Variants in OR10K2 observed in about 807,000 individuals in gnomAD.
OR10K2 encodes olfactory receptor 10K2.
For missense variants in OR10K2, 401 were observed against 367.1 expected (o/e 1.09, Z -0.76); for synonymous variants, 169 against 146.4 (o/e 1.15, Z -1.11).
intron 1 of OR10K2, among the ~76,000 whole-genome samples, chr1:158,423,941 G>T (rs952481450): frequency 6.6e-6 from 1 of 151,976 alleles, no homozygotes; most frequent in Non-Finnish European, 1.5e-5. Flanking sequence ...AAGCACTATA[G>T]ATATAATTAT....
intron 1 of OR10K2, among the ~76,000 whole-genome samples, chr1:158,425,125 G>C (rs1369302389): frequency 1.3e-5 from 2 of 151,974 alleles, no homozygotes; most frequent in African/African-American, 2.4e-5. Context: ...TTTTGGGAGG[G>C]ATTTAATAAA....
chr1:158,421,533 T>C (rs1557861272), intron 1 of OR10K2, among the ~76,000 whole-genome samples: 1 of 152,152 alleles, frequency 6.6e-6, no homozygotes, highest in Non-Finnish European at 1.5e-5. Context: ...AGGTGGAATA[T>C]GTCTACACTT....
chr1:158,423,184 CCCT>C (rs1179210431), intron 1 of OR10K2, among the ~76,000 whole-genome samples: 8 of 151,436 alleles, frequency 5.3e-5, no homozygotes, highest in Non-Finnish European at 1.2e-4. Context: ...GGGGCAATCA[CCCT>C]CCTCCTCCTC....
Position 158,418,686 on chromosome 1 carries a change from C to T in OR10K2, c.*1242G>A, listed in dbSNP as rs1430367623. ...GGAAGAAAAGGAAAAAACTTAGAAA[C>T]AAAATTAATCAATCAGGAGACTTTT... On this transcript the variant is annotated 3_prime_UTR_variant, in exon 2 of 2. Transcript: ENST00000641042. 2.0e-5 allele frequency: 3 copies of T among 152,026 alleles called. No individual in the cohort carries two copies. Among genetic ancestry groups the T allele is most frequent in the African/African-American group, 7.2e-5 (3 of 41,430 alleles). The allele number at this position is 152,026 out of a possible 1,614,324, so 9.4% of individuals were successfully genotyped here.
At chr1:158,421,147 C>T (rs988337049) in intron 1 of OR10K2, among the ~76,000 whole-genome samples, 2 of 152,038 alleles carry the variant, frequency 1.3e-5, no homozygotes, top group African/African-American at 4.8e-5. Flanking sequence ...ACCTCCATTC[C>T]CATCATGAGG....
chr1:158,418,376 T>C lies in OR10K2; in HGVS notation c.*1552A>G, dbSNP rs1655079997. 6.6e-6 allele frequency: 1 copy of C among 152,074 alleles called. No individual in the cohort carries two copies. Among genetic ancestry groups the C allele is most frequent in the Non-Finnish European group, 1.5e-5 (1 of 68,014 alleles). 9.4% of individuals were successfully genotyped at this position (152,074 alleles called of 1,614,324 possible). ...AAATAATTAACACATTAAACTTAGC[T>C]CATTTACTTTTCATGAATCAACTTG... On this transcript the variant is annotated 3_prime_UTR_variant, in exon 2 of 2. Transcript: ENST00000641042.
Position 158,420,009 on chromosome 1 carries a change from G to T in OR10K2, c.858C>A (p.Asn286Lys), listed in dbSNP as rs772560623. The T allele has an allele frequency of 6.2e-7, 1 of 1,613,162 alleles. No homozygotes were observed. The highest frequency in any genetic ancestry group is 2.2e-5 in the East Asian group (1 of 44,838). The change falls in exon 2 of 2, where the codon AAC (asparagine) becomes AAA (lysine). Residue 286 changes from asparagine (N) to lysine (K), a missense_variant. Asn to Lys is a moderately conservative substitution (Grantham distance 94). Coordinates refer to ENST00000641042, the MANE Select transcript of OR10K2 (RefSeq NM_001004476.2). ...VSYTIITPLF[N>K]PMIYSLRNKE... ...TATTTCTCAAGCTATAAATCATTGG[G>T]TTGAACAATGGAGTTATAATAGTGT...
At chr1:158,425,602 C>T (rs865961356) in intron 1 of OR10K2, among the ~76,000 whole-genome samples, 1 of 151,958 alleles carries the variant, frequency 6.6e-6, no homozygotes, top group African/African-American at 2.4e-5. Context: ...TTATTAAGTT[C>T]TCAGCACATA....
intron 1 of OR10K2, among the ~76,000 whole-genome samples, chr1:158,422,869 G>T (rs1655185498): frequency 6.6e-6 from 1 of 151,962 alleles, no homozygotes; most frequent in African/African-American, 2.4e-5. Flanking sequence ...TGGTGATTGA[G>T]ATGATGGATA....
rs1014374577 is a variant in OR10K2 at position 158,418,969 on chromosome 1, T to C, written c.*959A>G. ...GCCTTGCCTGGTCATTTAGGGTGATTTTAGGTCTTGTCATTAATCCATTCC... is the reference window on the plus strand; with the variant it reads ...GCCTTGCCTGGTCATTTAGGGTGATCTTAGGTCTTGTCATTAATCCATTCC... On this transcript the variant is annotated 3_prime_UTR_variant, in exon 2 of 2. Coordinates refer to ENST00000641042, the MANE Select transcript of OR10K2 (RefSeq NM_001004476.2). 1.3e-5 allele frequency: 2 copies of C among 152,044 alleles called. No homozygotes were observed. The highest frequency in any genetic ancestry group is 4.8e-5 in the African/African-American group (2 of 41,410). The allele number at this position is 152,044 out of a possible 1,614,324, so 9.4% of individuals were successfully genotyped here.
intron 1 of OR10K2, among the ~76,000 whole-genome samples, chr1:158,424,281 C>A (rs1350524418): frequency 1.3e-5 from 2 of 152,010 alleles, no homozygotes; most frequent in African/African-American, 4.8e-5. Context: ...TAATTATTCT[C>A]CCTTTTCTCT....
intron 1 of OR10K2, among the ~76,000 whole-genome samples, chr1:158,425,556 CT>C (rs751067096): frequency 2.0e-5 from 3 of 151,984 alleles, no homozygotes; most frequent in Non-Finnish European, 4.4e-5. Flanking sequence ...GTTTCTTAGT[CT>C]TTATATCTGT....
chr1:158,419,696 T>C lies in OR10K2; in HGVS notation c.*232A>G, dbSNP rs1204127286. The C allele has an allele frequency of 2.5e-6, 1 of 395,220 alleles. No homozygotes were observed. Among genetic ancestry groups the C allele is most frequent in the African/African-American group, 2.0e-5 (1 of 49,252 alleles). The allele number at this position is 395,220 out of a possible 1,614,324, so 24.5% of individuals were successfully genotyped here. A position where few individuals can be genotyped will look rare whatever the true frequency, so the allele number is the denominator to read the frequency against. ...GTGACACAATCTCACTGCAACCTTC[T>C]GCCTCCTGGGTTCAAGTGATTCTCC... On this transcript the variant is annotated 3_prime_UTR_variant, in exon 2 of 2. Transcript: ENST00000641042.
At chr1:158,421,226 T>A (rs1461905587) in intron 1 of OR10K2, among the ~76,000 whole-genome samples, 2 of 152,118 alleles carry the variant, frequency 1.3e-5, no homozygotes, top group African/African-American at 4.8e-5. Flanking sequence ...GGCTTTCTTG[T>A]ATCTGTATTC....
At chr1:158,421,920 G>A (rs1249444156) in intron 1 of OR10K2, among the ~76,000 whole-genome samples, 1 of 151,900 alleles carries the variant, frequency 6.6e-6, no homozygotes, top group African/African-American at 2.4e-5. Context: ...TCTATTCCTT[G>A]CTCATATTAG....
chr1:158,419,078 T>C lies in OR10K2; in HGVS notation c.*850A>G, dbSNP rs147106422. 3.9e-5 allele frequency: 6 copies of C among 154,248 alleles called. No homozygotes were observed. The East Asian group carries it at 1.2e-3, about 30-fold the overall frequency. 9.6% of individuals were successfully genotyped at this position (154,248 alleles called of 1,614,324 possible). Reference sequence around the variant, plus strand: ...ATTAGAAATGATCGTATTTCATTAATACACTAGAAGCATGGAAATGGATAA... The same window carrying C: ...ATTAGAAATGATCGTATTTCATTAACACACTAGAAGCATGGAAATGGATAA... On this transcript the variant is annotated 3_prime_UTR_variant, in exon 2 of 2. Coordinates refer to ENST00000641042, the MANE Select transcript of OR10K2 (RefSeq NM_001004476.2).
intron 1 of OR10K2, among the ~76,000 whole-genome samples, chr1:158,423,151 C>T (rs1020543233): frequency 6.6e-6 from 1 of 151,584 alleles, no homozygotes; most frequent in Non-Finnish European, 1.5e-5. Context: ...CTTTATATCA[C>T]TCCCTTCCTC....
chr1:158,419,756 G>T lies in OR10K2; in HGVS notation c.*172C>A, dbSNP rs1488127297. 1 of 562,736 alleles carries T rather than the reference G, an allele frequency of 1.8e-6. No homozygotes were observed. The highest frequency in any genetic ancestry group is 1.9e-5 in the African/African-American group (1 of 52,810). The allele number at this position is 562,736 out of a possible 1,614,324, so 34.9% of individuals were successfully genotyped here. A position where few individuals can be genotyped will look rare whatever the true frequency, so the allele number is the denominator to read the frequency against. On this transcript the variant is annotated 3_prime_UTR_variant, in exon 2 of 2. Coordinates refer to ENST00000641042, the MANE Select transcript of OR10K2 (RefSeq NM_001004476.2). Reference sequence around the variant, plus strand: ...CTCCTGAGTAGCTGAGATTACAGGAGCCCACCACAGCATCCGGTTAATTTG... The same window carrying T: ...CTCCTGAGTAGCTGAGATTACAGGATCCCACCACAGCATCCGGTTAATTTG...
chr1:158,420,995 C>T, intron 1 of OR10K2, 68 bp from the exon 2 acceptor site: 2 of 810,946 alleles, frequency 2.5e-6, no homozygotes, highest in Non-Finnish European at 3.8e-6. Flanking sequence ...ATTCTGAACT[C>T]ATCTTTTCTC....
Sources: allele counts gnomAD v4.1 joint callset (sites outside exome capture counted in the v4.1 genomes callset), GRCh38; gene constraint gnomAD v4.1.1; transcripts MANE v1.5; gene names NCBI Gene and HGNC (gene_info 2026-07-23, HGNC 2026-07-21).